FRMD4A: variants seen among roughly 807,000 people sequenced by gnomAD.
FRMD4A encodes the protein FERM domain containing 4A, also known as FERM domain-containing protein 4A.
Under a neutral mutation model 129.1 loss-of-function variants are expected in FRMD4A, and 29 were observed. That is an observed-to-expected ratio of 0.22 (90% CI 0.17 to 0.31). The LOEUF is 0.31. FRMD4A is among the 10% of genes least tolerant of loss of function. FRMD4A has a pLI of 1.00. For synonymous variants in FRMD4A, 634 were observed against 571.6 expected (o/e 1.11, Z -1.56); for missense variants, 1,272 against 1,375.8 (o/e 0.92, Z 1.19).
At position 13,688,329 on chromosome 10, in the gene FRMD4A, G is replaced by C. The variant is rs11812229; in HGVS notation, c.1117+5569C>G. ...AAACACCGCATGTTCTCACTCATAG[G>C]TGGGAATTGAAGAATGAGAACACAT... On this transcript the variant is annotated intron_variant, in intron 15 of 24. Coordinates refer to ENST00000357447, the MANE Select transcript of FRMD4A (RefSeq NM_018027.5). 9.6e-3 allele frequency among the ~76,000 whole-genome samples: 1,466 copies of C among 152,150 alleles called. 25 individuals are homozygous for C. Among genetic ancestry groups the C allele is most frequent in the African/African-American group, 0.034 (1,394 of 41,500 alleles).
At chr10:13,874,568 G>A (rs1306518953) in intron 2 of FRMD4A, among the ~76,000 whole-genome samples, 1 of 152,124 alleles carries the variant, frequency 6.6e-6, no homozygotes, top group Non-Finnish European at 1.5e-5. Flanking sequence ...TTTCAGGAAG[G>A]TATTGTAACA....
intron 5 of FRMD4A, among the ~76,000 whole-genome samples, chr10:13,795,043 A>G (rs1004850497): frequency 1.4e-4 from 22 of 152,180 alleles, no homozygotes; most frequent in Admixed American, 3.3e-4. Flanking sequence ...AAAAACACCT[A>G]CTAGGCAGCC....
At chr10:13,836,010 G>GTTTTCA (rs2093867895) in intron 3 of FRMD4A, among the ~76,000 whole-genome samples, 1 of 152,148 alleles carries the variant, frequency 6.6e-6, no homozygotes, top group Non-Finnish European at 1.5e-5. Context: ...TCAAGATTTT[G>GTTTTCA]TTTTTGAGAT....
intron 2 of FRMD4A, among the ~76,000 whole-genome samples, chr10:13,965,724 C>G (rs891575508): frequency 2.0e-5 from 3 of 152,036 alleles, no homozygotes; most frequent in African/African-American, 7.3e-5. Context: ...GGAAATAAAC[C>G]TTTCTTTCTT....
intron 2 of FRMD4A, among the ~76,000 whole-genome samples, chr10:13,907,950 G>A (rs2131216575): frequency 6.6e-6 from 1 of 151,352 alleles, no homozygotes; most frequent in Admixed American, 6.6e-5. Context: ...CGGATCACCT[G>A]AGGTCAGGAG....
chr10:14,071,247 A>T (rs1276208516), intron 2 of FRMD4A, among the ~76,000 whole-genome samples: 1 of 152,242 alleles, frequency 6.6e-6, no homozygotes, highest in African/African-American at 2.4e-5. Context: ...TACATGCCAC[A>T]TTCAGAAACG....
intron 4 of FRMD4A, among the ~76,000 whole-genome samples, chr10:13,802,653 T>G (rs1266542110): frequency 6.6e-6 from 1 of 152,158 alleles, no homozygotes; most frequent in Non-Finnish European, 1.5e-5. Flanking sequence ...TTTGTTTTTT[T>G]GGTAGAGACA....
chr10:13,915,447 C>T (rs576496288), intron 2 of FRMD4A, among the ~76,000 whole-genome samples: 16 of 151,568 alleles, frequency 1.1e-4, no homozygotes, highest in East Asian at 2.0e-4. Context: ...CTGAGGCGGG[C>T]GGATCACAAG....
rs1165967948 is a variant in FRMD4A at position 14,030,542 on chromosome 10, A to G, written c.46-171630T>C. 9.8e-5 allele frequency among the ~76,000 whole-genome samples: 15 copies of G among 152,332 alleles called. No individual in the cohort carries two copies. In the East Asian group the frequency reaches 2.7e-3, roughly 27 times the overall value. On this transcript the variant is annotated intron_variant, in intron 2 of 24. Coordinates refer to ENST00000357447, the MANE Select transcript of FRMD4A (RefSeq NM_018027.5). The stretch of plus-strand genomic sequence containing the variant: ...TACCTTCAAACTACAAAGAGAGAGG[A>G]TTTTAAAGATTGTTTGTTTGTTTAA...
intron 2 of FRMD4A, among the ~76,000 whole-genome samples, chr10:14,148,096 G>A (rs1462829228): frequency 1.3e-5 from 2 of 152,118 alleles, no homozygotes; most frequent in Non-Finnish European, 2.9e-5. Context: ...CTCCATTAAT[G>A]TGTATTGTGC....
intron 23 of FRMD4A, chr10:13,653,063 T>TCCCCG (rs149709087): frequency 6.6e-6 from 1 of 152,174 alleles, no homozygotes. Flanking sequence ...ATCTGGGTAT[T>TCCCCG]TCCCCCGCAA....
At chr10:13,948,908 C>A (rs2095352580) in intron 2 of FRMD4A, among the ~76,000 whole-genome samples, 2 of 151,670 alleles carry the variant, frequency 1.3e-5, no homozygotes. Flanking sequence ...CCTCGGCCTC[C>A]CAAAGTGTTG....
At chr10:13,743,267 G>A (rs985013927) in intron 9 of FRMD4A, among the ~76,000 whole-genome samples, 2 of 152,066 alleles carry the variant, frequency 1.3e-5, no homozygotes, top group Non-Finnish European at 2.9e-5. Flanking sequence ...GCTCCCCAAG[G>A]GCAGGCCCAG....
chr10:14,140,679 C>T (rs528996901), intron 2 of FRMD4A, among the ~76,000 whole-genome samples: 102 of 152,256 alleles, frequency 6.7e-4, no homozygotes, highest in Non-Finnish European at 1.3e-3. Flanking sequence ...TCTCCTTAGA[C>T]CTATTCTCTT....
rs571155955 is a variant in FRMD4A, at chr10:14,045,710, T to C, written c.46-186798A>G. 2.8e-3 allele frequency among the ~76,000 whole-genome samples: 413 copies of C among 146,308 alleles called. 6 individuals are homozygous for C. Among genetic ancestry groups the C allele is most frequent in the African/African-American group, 1.0e-2 (402 of 40,334 alleles). On this transcript the variant is annotated intron_variant, in intron 2 of 24. Coordinates refer to ENST00000357447, the MANE Select transcript of FRMD4A (RefSeq NM_018027.5). ...TATATGATATAATTATATTATAATA[T>C]TTATCATATTATATTAGATATAATT... is the stretch of plus-strand genomic sequence containing the variant.
At chr10:13,664,639 A>C (rs2082874911) in intron 18 of FRMD4A, among the ~76,000 whole-genome samples, 1 of 152,022 alleles carries the variant, frequency 6.6e-6, no homozygotes, top group Non-Finnish European at 1.5e-5. Flanking sequence ...ATCTGCATCT[A>C]TCTATATTTA....
chr10:14,167,815 C>A (rs1051991060), intron 2 of FRMD4A, among the ~76,000 whole-genome samples: 1 of 151,964 alleles, frequency 6.6e-6, no homozygotes, highest in Non-Finnish European at 1.5e-5. Flanking sequence ...AAGGATATGC[C>A]CACAGAGAGG....
At chr10:13,879,193 G>A (rs751469076) in intron 2 of FRMD4A, among the ~76,000 whole-genome samples, 3 of 151,888 alleles carry the variant, frequency 2.0e-5, no homozygotes, top group Non-Finnish European at 4.4e-5. Flanking sequence ...GAAGCCAAGA[G>A]TTTGAGACCA....
intron 2 of FRMD4A, among the ~76,000 whole-genome samples, chr10:13,932,150 A>G (rs1451761983): frequency 6.6e-6 from 1 of 152,238 alleles, no homozygotes; most frequent in Non-Finnish European, 1.5e-5. Context: ...CCATTGACCA[A>G]GTCTAAGTTT....
Sources: gnomAD v4.1 joint callset for allele counts (sites outside exome capture counted in the v4.1 genomes callset) on GRCh38, gnomAD v4.1.1 for gene constraint, MANE v1.5 for transcripts, NCBI Gene and HGNC (gene_info 2026-07-23, HGNC 2026-07-21) for gene names.